The following IGFBP4 variants were observed in gnomAD, a reference collection of about 807,000 sequenced individuals.
IGFBP4 encodes insulin like growth factor binding protein 4, also known as insulin-like growth factor-binding protein 4.
In IGFBP4, 9 loss-of-function variants were observed where a neutral mutation model predicts 25.8. The ratio of observed to expected loss-of-function variants is 0.35; its 90% CI spans 0.21 to 0.61. IGFBP4 has a LOEUF of 0.61. Among genes scored for constraint, IGFBP4 ranks in the 20% least tolerant of loss-of-function variants. The pLI is 0.77. For synonymous variants in IGFBP4, 153 were observed against 153.9 expected (o/e 0.99, Z 0.05); for missense variants, 315 against 365.3 (o/e 0.86, Z 1.12).
At chr17:40,445,145 C>G (rs10305283) in intron 1 of IGFBP4, among the ~76,000 whole-genome samples, 4,181 of 152,226 alleles carry the variant, frequency 0.027, 92 homozygotes, top group Non-Finnish European at 0.042. Flanking sequence ...CTCTCGAGTT[C>G]TGTTTTCCTC....
At chr17:40,451,367 G>A (rs2035681312) in intron 1 of IGFBP4, among the ~76,000 whole-genome samples, 1 of 152,126 alleles carries the variant, frequency 6.6e-6, no homozygotes, top group South Asian at 2.1e-4. Context: ...CCTTTGGTGT[G>A]GAAGGTTATT....
intron 1 of IGFBP4, among the ~76,000 whole-genome samples, chr17:40,446,313 A>T (rs1050939051): frequency 6.9e-5 from 3 of 43,454 alleles, no homozygotes; most frequent in African/African-American, 3.5e-4. Context: ...TATTTCGTAA[A>T]AAAAAAAAAA....
intron 1 of IGFBP4, among the ~76,000 whole-genome samples, chr17:40,444,858 C>CAG (rs112583043): frequency 0.058 from 7,092 of 122,596 alleles, 297 homozygotes; most frequent in Non-Finnish European, 0.078. Context: ...GGGAGAGAAA[C>CAG]AGAGAGAGAG....
At chr17:40,447,921 T>G (rs1452259601) in intron 1 of IGFBP4, among the ~76,000 whole-genome samples, 1 of 151,964 alleles carries the variant, frequency 6.6e-6, no homozygotes, top group South Asian at 2.1e-4. Context: ...AGGGGTGGGG[T>G]GGCCTTTGGT....
At position 40,443,917 on chromosome 17, in the gene IGFBP4, T is replaced by A. The variant is rs894172793; in HGVS notation, c.182T>A (p.Leu61Gln). The change falls in exon 1 of 4, where the codon CTG becomes CAG. Residue 61 changes from leucine to glutamine, a missense_variant. Physicochemically the swap from Leu to Gln is moderately radical, Grantham distance 113 (BLOSUM62 -2). Transcript: ENST00000269593. ...PGCGCCATCA[L>Q]GLGMPCGVYT... ...TGCGGCTGTTGCGCCACTTGCGCCC[T>A]GGGCTTGGGGATGCCCTGCGGGGTG... 2 of 1,530,688 alleles carry A rather than the reference T, an allele frequency of 1.3e-6. No homozygotes were observed. The highest frequency in any genetic ancestry group is 1.7e-6 in the Non-Finnish European group (2 of 1,143,952). The allele number at this position is 1,530,688 out of a possible 1,614,324, so 94.8% of individuals were successfully genotyped here.
At chr17:40,455,583 A>G (rs928074552) in intron 3 of IGFBP4, among the ~76,000 whole-genome samples, 4 of 152,046 alleles carry the variant, frequency 2.6e-5, no homozygotes, top group African/African-American at 9.7e-5. Flanking sequence ...CCCGGGTTCA[A>G]GCGATTCTCC....
intron 1 of IGFBP4, among the ~76,000 whole-genome samples, chr17:40,451,161 T>A (rs1219007606): frequency 5.9e-5 from 9 of 152,292 alleles, no homozygotes; most frequent in East Asian, 3.9e-4. Flanking sequence ...TATAGTGTCT[T>A]CTCTTTGGTT....
chr17:40,444,984 G>A (rs1270238670), intron 1 of IGFBP4, among the ~76,000 whole-genome samples: 7 of 138,470 alleles, frequency 5.1e-5, no homozygotes. Context: ...GAGAGAGAGA[G>A]ACTCTGAGAA....
At chr17:40,445,261 C>T (rs2035638065) in intron 1 of IGFBP4, among the ~76,000 whole-genome samples, 1 of 152,208 alleles carries the variant, frequency 6.6e-6, no homozygotes, top group African/African-American at 2.4e-5. Flanking sequence ...CTCTGTGTCT[C>T]TGTCACTGTT....
intron 1 of IGFBP4, among the ~76,000 whole-genome samples, chr17:40,447,009 G>C (rs1002016870): frequency 4.6e-5 from 7 of 152,240 alleles, no homozygotes. Flanking sequence ...GTAGGCCACT[G>C]TCTGCTTTAG....
At chr17:40,445,848 G>A (rs1044841350) in intron 1 of IGFBP4, among the ~76,000 whole-genome samples, 6 of 152,098 alleles carry the variant, frequency 3.9e-5, no homozygotes, top group African/African-American at 1.4e-4. Flanking sequence ...AGATAAGGAT[G>A]GCTGGTAGCC....
Position 40,443,647 on chromosome 17 carries a change from C to A in IGFBP4, c.-89C>A. 1.6e-6 allele frequency: 1 copy of A among 607,538 alleles called. No homozygotes were observed. Among genetic ancestry groups the A allele is most frequent in the Non-Finnish European group, 2.1e-6 (1 of 472,744 alleles). The allele number at this position is 607,538 out of a possible 1,614,324, so 37.6% of individuals were successfully genotyped here. ...GGTCCTCCAGGAGCGCCAGGCGCTG[C>A]CGCCGTGTGCCCTCCGCCGCTCGCC... On this transcript the variant is annotated 5_prime_UTR_variant, in exon 1 of 4. Coordinates refer to ENST00000269593, the MANE Select transcript of IGFBP4 (RefSeq NM_001552.3).
At chr17:40,454,366 G>T (rs1368320962) in intron 3 of IGFBP4, among the ~76,000 whole-genome samples, 3 of 152,142 alleles carry the variant, frequency 2.0e-5, no homozygotes, top group African/African-American at 7.2e-5. Context: ...ACCATCTGTG[G>T]TGCAGACCTA....
At chr17:40,446,351 C>T (rs1419250983) in intron 1 of IGFBP4, among the ~76,000 whole-genome samples, 2 of 150,062 alleles carry the variant, frequency 1.3e-5, no homozygotes, top group Non-Finnish European at 3.0e-5. Context: ...TGCAGTGGCT[C>T]ACACCTGTAA....
At position 40,453,046 on chromosome 17, in the gene IGFBP4, G is replaced by T; in HGVS notation, c.411G>T (p.Arg137Ser). The T allele has an allele frequency of 1.9e-6, 3 of 1,600,034 alleles. No homozygotes were observed. Among genetic ancestry groups the T allele is most frequent in the Non-Finnish European group, 2.6e-6 (3 of 1,173,134 alleles). The change falls in exon 2 of 4, where the codon AGG (arginine) becomes AGT (serine). Residue 137 changes from arginine (R) to serine (S), a missense_variant. Coordinates refer to ENST00000269593, the MANE Select transcript of IGFBP4 (RefSeq NM_001552.3). The surrounding 1 kb of genome is among the most constrained non-coding windows in gnomAD (Gnocchi z 4.0). Reference sequence around the variant, plus strand: ...GCCCCTGTAGCGCCCATGACCGCAGGTGCCTGCAGAAGCACTTCGCCAAAA... The same window carrying T: ...GCCCCTGTAGCGCCCATGACCGCAGTTGCCTGCAGAAGCACTTCGCCAAAA... ...SFSPCSAHDR[R>S]CLQKHFAKIR...
At chr17:40,444,908 CACACACACACACACACACAGAGACAG>C (rs1567799506) in intron 1 of IGFBP4, among the ~76,000 whole-genome samples, 4 of 86,888 alleles carry the variant, frequency 4.6e-5, no homozygotes, top group African/African-American at 1.8e-4. Context: ...CACACACACA[CACACACACACACACACACAGAGACAG>C]AGAGAGAGAG....
At chr17:40,455,207 C>T (rs894848044) in intron 3 of IGFBP4, among the ~76,000 whole-genome samples, 3 of 152,114 alleles carry the variant, frequency 2.0e-5, no homozygotes, top group Non-Finnish European at 2.9e-5. Flanking sequence ...CCCCAGTTTC[C>T]TCATTATTAA....
At chr17:40,452,872 C>T (rs2035692673) in intron 1 of IGFBP4, 113 bp from the exon 2 acceptor site, 1 of 861,720 alleles carries the variant, frequency 1.2e-6, no homozygotes, top group Non-Finnish European at 1.7e-6. Flanking sequence ...CTGCTCTTCT[C>T]CAGCGCCAAG....
intron 1 of IGFBP4, among the ~76,000 whole-genome samples, chr17:40,448,476 C>A (rs1255975775): frequency 6.6e-6 from 1 of 152,200 alleles, no homozygotes; most frequent in Non-Finnish European, 1.5e-5. Context: ...CCCAAACAAG[C>A]TTTTTGGAGG....
Sources: allele counts gnomAD v4.1 joint callset (sites outside exome capture counted in the v4.1 genomes callset), GRCh38; gene constraint gnomAD v4.1.1; non-coding constraint Gnocchi (gnomAD v3.1); transcripts MANE v1.5; gene names NCBI Gene and HGNC (gene_info 2026-07-23, HGNC 2026-07-21).